Variants in GRIK2 observed in about 807,000 individuals in gnomAD.
GRIK2 encodes the protein glutamate ionotropic receptor kainate type subunit 2.
A neutral mutation model predicts 100.3 loss-of-function variants in GRIK2; 32 were observed. The observed-to-expected ratio is 0.32, with a 90% CI of 0.24 to 0.43. GRIK2 has a LOEUF of 0.43. GRIK2 is among the 20% of genes least tolerant of loss of function. The pLI is 1.00. For missense variants in GRIK2, 843 were observed against 1,114.9 expected (o/e 0.76, Z 3.47); for synonymous variants, 417 against 389.4 (o/e 1.07, Z -0.83).
At chr6:102,039,328 T>A (rs1020580671) in intron 15 of GRIK2, among the ~76,000 whole-genome samples, 1 of 151,580 alleles carries the variant, frequency 6.6e-6, no homozygotes, top group Admixed American at 6.6e-5. Flanking sequence ...ATTAAATTCC[T>A]TCATAGTTTT....
rs561110210 is a variant in GRIK2, at chr6:101,454,836, G to A, written c.115+55444G>A. Among the ~76,000 whole-genome samples, 11 of 152,178 alleles carry A rather than the reference G, an allele frequency of 7.2e-5. No homozygotes were observed. In the South Asian group the frequency reaches 1.5e-3, roughly 20 times the overall value. ...TGCTCTGCTAAGAGAAGGAACTTAA[G>A]CTTATTGGTATAAGCCTGGTAGATT... is the stretch of plus-strand genomic sequence containing the variant. On this transcript the variant is annotated intron_variant, in intron 2 of 16. Coordinates refer to ENST00000369134, the MANE Select transcript of GRIK2 (RefSeq NM_021956.5).
chr6:101,773,134 A>G (rs1224065065), intron 7 of GRIK2, among the ~76,000 whole-genome samples: 1 of 152,232 alleles, frequency 6.6e-6, no homozygotes. Context: ...CAATAAAACA[A>G]TAATTAGTTA....
At chr6:101,402,340 A>G (rs1194085529) in intron 2 of GRIK2, among the ~76,000 whole-genome samples, 8 of 152,182 alleles carry the variant, frequency 5.3e-5, no homozygotes, top group African/African-American at 1.9e-4. Flanking sequence ...TGGCACAGTG[A>G]CGTCTCTCTA....
chr6:101,600,338 C>T (rs1000834480), intron 2 of GRIK2, among the ~76,000 whole-genome samples: 1 of 151,770 alleles, frequency 6.6e-6, no homozygotes, highest in Non-Finnish European at 1.5e-5. Context: ...TAATGTAATG[C>T]TCCTGGCTTT....
At chr6:101,868,474 G>T (rs989849601) in intron 11 of GRIK2, among the ~76,000 whole-genome samples, 1 of 151,506 alleles carries the variant, frequency 6.6e-6, no homozygotes, top group Admixed American at 6.6e-5. Context: ...TTTATCTGTG[G>T]TATATGGAAC....
intron 2 of GRIK2, among the ~76,000 whole-genome samples, chr6:101,593,939 T>A (rs1476056920): frequency 1.3e-5 from 2 of 151,820 alleles, no homozygotes; most frequent in African/African-American, 4.8e-5. Context: ...TGTACATATA[T>A]CCAGGGATGC....
At chr6:101,896,608 C>T (rs566067560) in intron 12 of GRIK2, among the ~76,000 whole-genome samples, 10 of 151,620 alleles carry the variant, frequency 6.6e-5, no homozygotes, top group African/African-American at 2.2e-4. Flanking sequence ...TTTGATAGCC[C>T]ATCTTTATTT....
intron 14 of GRIK2, among the ~76,000 whole-genome samples, chr6:102,007,297 C>A (rs1488829612): frequency 6.6e-6 from 1 of 151,844 alleles, no homozygotes; most frequent in African/African-American, 2.4e-5. Flanking sequence ...GAAATGAGAC[C>A]TATGTAAGAA....
intron 14 of GRIK2, among the ~76,000 whole-genome samples, chr6:102,014,950 C>G (rs772623423): frequency 2.6e-5 from 4 of 152,020 alleles, no homozygotes; most frequent in Non-Finnish European, 5.9e-5. Context: ...TCTATCAGAT[C>G]CATTTGGTCA....
intron 2 of GRIK2, among the ~76,000 whole-genome samples, chr6:101,608,847 A>G (rs1462781431): frequency 6.7e-6 from 1 of 149,658 alleles, no homozygotes; most frequent in Non-Finnish European, 1.5e-5. Flanking sequence ...CTCACTCTCC[A>G]CCCTGAACAC....
Position 102,065,927 on chromosome 6 carries a change from T to C in GRIK2, c.2563-2420T>C, listed in dbSNP as rs747175672. Reference sequence around the variant, plus strand: ...TCATGTTCTTAATAAGTACATCTAATAGTAGGTATTAAGCAACAAGAAACA... The same window carrying C: ...TCATGTTCTTAATAAGTACATCTAACAGTAGGTATTAAGCAACAAGAAACA... On this transcript the variant is annotated intron_variant, in intron 16 of 16. Transcript: ENST00000369134. 11 of 1,385,232 alleles carry C rather than the reference T, an allele frequency of 7.9e-6. No individual in the cohort carries two copies. The African/African-American group carries it at 1.5e-4, about 19-fold the overall frequency. The allele number at this position is 1,385,232 out of a possible 1,614,324, so 85.8% of individuals were successfully genotyped here. A position where few individuals can be genotyped will look rare whatever the true frequency, so the allele number is the denominator to read the frequency against.
intron 2 of GRIK2, among the ~76,000 whole-genome samples, chr6:101,400,277 TGAA>T (rs1775222914): frequency 6.6e-6 from 1 of 152,158 alleles, no homozygotes; most frequent in African/African-American, 2.4e-5. Context: ...CTTTGGAGCT[TGAA>T]GGAAAATCTA....
chr6:101,428,557 A>G (rs941547125), intron 2 of GRIK2, among the ~76,000 whole-genome samples: 1 of 152,218 alleles, frequency 6.6e-6, no homozygotes, highest in Admixed American at 6.5e-5. Context: ...ATGTTGATTT[A>G]AAAAACTATA....
At chr6:101,474,305 T>C (rs1314732237) in intron 2 of GRIK2, among the ~76,000 whole-genome samples, 1 of 151,914 alleles carries the variant, frequency 6.6e-6, no homozygotes, top group Non-Finnish European at 1.5e-5. Flanking sequence ...AGAAATGTCA[T>C]ATTCATTTGG....
intron 2 of GRIK2, among the ~76,000 whole-genome samples, chr6:101,458,462 T>C (rs535622765): frequency 2.0e-5 from 3 of 152,352 alleles, no homozygotes; most frequent in Non-Finnish European, 4.4e-5. Flanking sequence ...TGAAGGAGTC[T>C]GGCTGCTGGC....
At chr6:101,660,958 G>A (rs1769565320) in intron 4 of GRIK2, among the ~76,000 whole-genome samples, 1 of 152,136 alleles carries the variant, frequency 6.6e-6, no homozygotes, top group Admixed American at 6.5e-5. Flanking sequence ...GGGGATCAGG[G>A]ACCCACTTGA....
intron 11 of GRIK2, among the ~76,000 whole-genome samples, chr6:101,887,562 A>G (rs758480309): frequency 5.3e-5 from 8 of 152,130 alleles, no homozygotes; most frequent in Non-Finnish European, 7.3e-5. Context: ...ACACTGCTAT[A>G]AAGAACTACC....
At chr6:101,592,294 A>G (rs1778686200) in intron 2 of GRIK2, among the ~76,000 whole-genome samples, 1 of 151,826 alleles carries the variant, frequency 6.6e-6, no homozygotes, top group Non-Finnish European at 1.5e-5. Context: ...AGGAATTTCT[A>G]TAGGGAAATG....
At chr6:101,933,057 A>G (rs1317500327) in intron 14 of GRIK2, among the ~76,000 whole-genome samples, 1 of 151,972 alleles carries the variant, frequency 6.6e-6, no homozygotes, top group Non-Finnish European at 1.5e-5. Context: ...ACTTTGGGCT[A>G]GAGGATCTTT....
Sources: allele counts gnomAD v4.1 joint callset (sites outside exome capture counted in the v4.1 genomes callset), GRCh38; gene constraint gnomAD v4.1.1; transcripts MANE v1.5; gene names NCBI Gene and HGNC (gene_info 2026-07-23, HGNC 2026-07-21).